LINGO2: variants seen among roughly 807,000 people sequenced by gnomAD.
The protein encoded by LINGO2 is leucine-rich repeat and immunoglobulin-like domain-containing nogo receptor-interacting protein 2.
A neutral mutation model predicts 30.6 loss-of-function variants in LINGO2; 14 were observed. The ratio of observed to expected loss-of-function variants is 0.46; its 90% CI spans 0.30 to 0.72. LINGO2 has a LOEUF of 0.72. Among genes scored for constraint, LINGO2 ranks in the 30% least tolerant of loss-of-function variants. The probability of loss-of-function intolerance (pLI) is 0.07; values close to 1 mark genes in which losing one functional copy is unlikely to be tolerated. For synonymous variants in LINGO2, 317 were observed against 288.5 expected, an observed-to-expected ratio of 1.10 and a Z score of -1.00; for missense variants, 729 against 751.7, an observed-to-expected ratio of 0.97 and a Z score of 0.35.
intron 1 of LINGO2, among the ~76,000 whole-genome samples, chr9:28,589,319 G>C (rs1314026963): frequency 6.6e-6 from 1 of 151,996 alleles, no homozygotes; most frequent in African/African-American, 2.4e-5. Flanking sequence ...GGCAGGAGAA[G>C]GAAATAAAGG....
intron 4 of LINGO2, among the ~76,000 whole-genome samples, chr9:28,126,709 C>T (rs987584790): frequency 6.6e-6 from 1 of 152,176 alleles, no homozygotes; most frequent in African/African-American, 2.4e-5. Flanking sequence ...GCCAGAGACA[C>T]AACAAATAAA....
chr9:29,081,545 C>T, the LINGO2 span, among the ~76,000 whole-genome samples: 3 of 152,100 alleles, frequency 2.0e-5, no homozygotes, highest in African/African-American at 7.2e-5. Flanking sequence ...CCTCTCTCAC[C>T]ACTCCTATTC....
rs569741893 is a variant in LINGO2 at position 28,381,752 on chromosome 9, C to A, written c.-278-8884G>T. Among the ~76,000 whole-genome samples, 31 of 152,160 alleles carry A rather than the reference C, an allele frequency of 2.0e-4. 1 individual carries two copies. The highest frequency in any genetic ancestry group is 6.8e-3 in the Middle Eastern group (2 of 294). On this transcript the variant is annotated intron_variant, in intron 2 of 5. Transcript: ENST00000379992. ...TAGCTTGGAGAAAGGTGGTCTTGTA[C>A]TGACACTGAAAACATTGACCCAGAT...
At chr9:28,010,476 AATCTTACATGGAAACT>A in intron 5 of LINGO2, among the ~76,000 whole-genome samples, 1 of 152,118 alleles carries the variant, frequency 6.6e-6, no homozygotes, top group South Asian at 2.1e-4. Flanking sequence ...CTCTGAATAA[AATCTTACATGGAAACT>A]CAATGTATAA....
chr9:28,217,724 C>T (rs898667376), intron 4 of LINGO2, among the ~76,000 whole-genome samples: 1 of 151,972 alleles, frequency 6.6e-6, no homozygotes, highest in Non-Finnish European at 1.5e-5. Flanking sequence ...TATAATGGGT[C>T]TTGGTCCGAA....
upstream of LINGO2, among the ~76,000 whole-genome samples, chr9:28,674,183 G>A (rs1334107629): frequency 1.3e-5 from 2 of 152,074 alleles, no homozygotes; most frequent in African/African-American, 2.4e-5. Context: ...TCAAACAAAC[G>A]TGACCCTAAC....
At chr9:28,041,792 C>A (rs1002422964) in intron 4 of LINGO2, among the ~76,000 whole-genome samples, 1 of 152,068 alleles carries the variant, frequency 6.6e-6, no homozygotes, top group African/African-American at 2.4e-5. Flanking sequence ...GACACCTTAC[C>A]CTACAACATA....
the LINGO2 span, among the ~76,000 whole-genome samples, chr9:29,136,908 T>C: frequency 6.6e-6 from 1 of 152,186 alleles, no homozygotes; most frequent in Non-Finnish European, 1.5e-5. Flanking sequence ...ACTCAAAGTT[T>C]ATTCTGTGAA....
chr9:29,119,536 A>AGT, the LINGO2 span, among the ~76,000 whole-genome samples: 1 of 150,662 alleles, frequency 6.6e-6, no homozygotes, highest in Admixed American at 6.6e-5. Flanking sequence ...GAATTGCTAT[A>AGT]ATAAGTTCCC....
chr9:28,300,492 T>G (rs1488328175), intron 3 of LINGO2, among the ~76,000 whole-genome samples: 1 of 152,176 alleles, frequency 6.6e-6, no homozygotes, highest in Non-Finnish European at 1.5e-5. Context: ...CCAATTAAAA[T>G]AGGCCACATT....
At chr9:28,379,148 TG>T (rs1402699929) in intron 2 of LINGO2, among the ~76,000 whole-genome samples, 2 of 152,094 alleles carry the variant, frequency 1.3e-5, no homozygotes, top group Non-Finnish European at 2.9e-5. Context: ...AGGGAGAGGT[TG>T]GGGCAATGCC....
At chr9:28,136,009 T>C (rs1827507127) in intron 4 of LINGO2, among the ~76,000 whole-genome samples, 1 of 152,210 alleles carries the variant, frequency 6.6e-6, no homozygotes, top group Non-Finnish European at 1.5e-5. Flanking sequence ...TAAAGTCTGA[T>C]GGCTAGAGGA....
chr9:29,162,297 A>G, the LINGO2 span, among the ~76,000 whole-genome samples: 4 of 152,254 alleles, frequency 2.6e-5, no homozygotes, highest in Non-Finnish European at 5.9e-5. Context: ...AGAAATTCAT[A>G]TAGAAATCCT....
At chr9:28,999,305 G>GT in the LINGO2 span, among the ~76,000 whole-genome samples, 1 of 152,038 alleles carries the variant, frequency 6.6e-6, no homozygotes, top group African/African-American at 2.4e-5. Context: ...TGTCAGACAT[G>GT]TAAGCTTCAT....
chr9:28,381,222 AAC>A (rs1292488960), intron 2 of LINGO2, among the ~76,000 whole-genome samples: 1 of 152,002 alleles, frequency 6.6e-6, no homozygotes, highest in African/African-American at 2.4e-5. Flanking sequence ...AAAAAACAAA[AAC>A]AAACAAACAA....
At chr9:28,136,275 G>A (rs1324491290) in intron 4 of LINGO2, among the ~76,000 whole-genome samples, 3 of 152,146 alleles carry the variant, frequency 2.0e-5, no homozygotes, top group Non-Finnish European at 4.4e-5. Context: ...TGGCCCAGAG[G>A]GCGATATTGC....
the LINGO2 span, among the ~76,000 whole-genome samples, chr9:29,062,010 G>A: frequency 6.6e-6 from 1 of 151,928 alleles, no homozygotes; most frequent in East Asian, 1.9e-4. Flanking sequence ...ATGAGCAATG[G>A]ACTTGAAAAG....
chr9:28,593,318 A>G (rs1825012200), intron 1 of LINGO2, among the ~76,000 whole-genome samples: 1 of 152,120 alleles, frequency 6.6e-6, no homozygotes, highest in Admixed American at 6.6e-5. Context: ...TAATCCTCAC[A>G]GCAGCCTGAA....
intron 3 of LINGO2, among the ~76,000 whole-genome samples, chr9:28,353,492 G>C (rs1820005551): frequency 6.6e-6 from 1 of 152,014 alleles, no homozygotes; most frequent in African/African-American, 2.4e-5. Flanking sequence ...TCATTAAAAA[G>C]TCAGGAAACA....
Sources: allele counts gnomAD v4.1 joint callset (sites outside exome capture counted in the v4.1 genomes callset), GRCh38; gene constraint gnomAD v4.1.1; transcripts MANE v1.5; gene names NCBI Gene and HGNC (gene_info 2026-07-23, HGNC 2026-07-21).